Variants in GLMN observed in about 807,000 individuals in gnomAD.
GLMN encodes the protein glomulin.
In GLMN, 75 loss-of-function variants were observed where a neutral mutation model predicts 87.8. That is an observed-to-expected ratio of 0.85 (90% CI 0.71 to 1.04). GLMN has a LOEUF of 1.04. Ranked by LOEUF, GLMN falls within the 50% of genes least tolerant of loss-of-function variation. The pLI, the probability that GLMN is intolerant of heterozygous loss-of-function variation, is 0.00. For missense variants in GLMN, 588 were observed against 658.8 expected, an observed-to-expected ratio of 0.89 and a Z score of 1.18; for synonymous variants, 206 against 221.6, an observed-to-expected ratio of 0.93 and a Z score of 0.63.
At chr1:92,305,659 T>G in the GLMN span, among the ~76,000 whole-genome samples, 2 of 151,926 alleles carry the variant, frequency 1.3e-5, no homozygotes, top group Non-Finnish European at 2.9e-5. Context: ...ATATGATCTA[T>G]AAGAAAAAGA....
chr1:92,298,128 G>A, intron 1 of GLMN, 99 bp from the exon 2 acceptor site: 1 of 645,808 alleles, frequency 1.5e-6, no homozygotes, highest in Admixed American at 2.7e-5. Context: ...ATACAATAAA[G>A]AAAATGGAAA....
intron 7 of GLMN, among the ~76,000 whole-genome samples, chr1:92,272,915 C>G (rs1344952193): frequency 6.6e-6 from 1 of 152,186 alleles, no homozygotes; most frequent in Non-Finnish European, 1.5e-5. Context: ...TTGTGTGACA[C>G]TGGATGAGCC....
At chr1:92,368,391 AAAT>A in the GLMN span, among the ~76,000 whole-genome samples, 2 of 152,112 alleles carry the variant, frequency 1.3e-5, no homozygotes, top group East Asian at 3.9e-4. Flanking sequence ...AAAAAGAAAA[AAAT>A]CCAAGTTCGT....
At chr1:92,335,752 A>G in the GLMN span, among the ~76,000 whole-genome samples, 5,626 of 152,254 alleles carry the variant, frequency 0.037, 266 homozygotes, top group African/African-American at 0.11. Context: ...TTAAATGGGT[A>G]TAGCATAATT....
the GLMN span, chr1:92,324,159 C>G: frequency 6.2e-7 from 1 of 1,614,134 alleles, no homozygotes; most frequent in Non-Finnish European, 8.5e-7. Context: ...ATGACATAAT[C>G]TCAGATCCAG....
At chr1:92,260,837 GACAA>G (rs1231887776) in intron 16 of GLMN, among the ~76,000 whole-genome samples, 2 of 148,882 alleles carry the variant, frequency 1.3e-5, no homozygotes, top group African/African-American at 2.5e-5. Flanking sequence ...AAATGTACAT[GACAA>G]ACAAAAGTGA....
intron 7 of GLMN, among the ~76,000 whole-genome samples, chr1:92,283,282 G>A (rs1648308845): frequency 2.6e-5 from 4 of 152,196 alleles, no homozygotes; most frequent in East Asian, 1.9e-4. Context: ...CAATCAAGTC[G>A]GCTTCTTCCC....
Position 92,298,924 on chromosome 1 carries a change from C to T in GLMN, c.-31+1G>A, listed in dbSNP as rs1650527429. 4.4e-6 allele frequency: 2 copies of T among 458,856 alleles called. No homozygotes were observed. Among genetic ancestry groups the T allele is most frequent in the African/African-American group, 2.0e-5 (1 of 49,090 alleles). The allele number at this position is 458,856 out of a possible 1,614,324, so 28.4% of individuals were successfully genotyped here. On this transcript the variant is annotated splice_donor_variant, in intron 1 of 18. Coordinates refer to ENST00000370360, the MANE Select transcript of GLMN (RefSeq NM_053274.3). LOFTEE classifies it low-confidence loss of function (5UTR_SPLICE). ...CTGAACCTCTCCACAACTCCACTTA[C>T]CGGCCAGAACCCTCGCCTCTCCCAG...
At chr1:92,330,105 G>A in the GLMN span, among the ~76,000 whole-genome samples, 13 of 152,256 alleles carry the variant, frequency 8.5e-5, no homozygotes, top group Admixed American at 3.3e-4. Flanking sequence ...CTTCTGCACC[G>A]TCCAGTTTCT....
intron 7 of GLMN, among the ~76,000 whole-genome samples, chr1:92,271,955 G>T (rs1656291300): frequency 6.6e-6 from 1 of 152,168 alleles, no homozygotes; most frequent in South Asian, 2.1e-4. Context: ...GGCCTTCCCT[G>T]AGAGTCAGAA....
chr1:92,306,904 T>A, the GLMN span, among the ~76,000 whole-genome samples: 55 of 152,304 alleles, frequency 3.6e-4, 1 homozygote, highest in African/African-American at 1.2e-3. Context: ...GAATATTTTT[T>A]AATAGGGATA....
At chr1:92,281,494 G>T (rs773887676) in intron 7 of GLMN, among the ~76,000 whole-genome samples, 2 of 152,082 alleles carry the variant, frequency 1.3e-5, no homozygotes, top group Non-Finnish European at 2.9e-5. Context: ...AGGAACGACC[G>T]GTACCAGCTA....
At chr1:92,351,305 C>CAAAAAAAAA in the GLMN span, among the ~76,000 whole-genome samples, 3 of 86,838 alleles carry the variant, frequency 3.5e-5, no homozygotes, top group Non-Finnish European at 6.7e-5. Context: ...GACTCTGTCT[C>CAAAAAAAAA]AAAAAAAAAA....
At chr1:92,293,840 G>C (rs1369107001) in intron 3 of GLMN, among the ~76,000 whole-genome samples, 1 of 152,130 alleles carries the variant, frequency 6.6e-6, no homozygotes, top group Non-Finnish European at 1.5e-5. Flanking sequence ...ATTATGTTAA[G>C]TGAAAGAAGT....
the GLMN span, chr1:92,323,389 T>C: frequency 7.9e-7 from 1 of 1,273,064 alleles, no homozygotes; most frequent in African/African-American, 1.5e-5. Flanking sequence ...TCTATTGTTT[T>C]CGGGTTTTAT....
In GLMN at chr1:92,264,638, C is replaced by A; in HGVS notation, c.1215G>T (p.Arg405Ser). 1 of 1,517,164 alleles carries A rather than the reference C, an allele frequency of 6.6e-7. No homozygotes were observed. Among genetic ancestry groups the A allele is most frequent in the South Asian group, 1.1e-5 (1 of 89,124 alleles). The allele number at this position is 1,517,164 out of a possible 1,614,324, so 94.0% of individuals were successfully genotyped here. A position where few individuals can be genotyped will look rare whatever the true frequency, so the allele number is the denominator to read the frequency against. ...LDSQGKYTLF[R>S]CLLNTSNHSG... is the part of the protein sequence containing the mutation. ...AGTGATTACTTGTATTCAATAAGCA[C>A]CTTGAAAGCAAAATTACAATAGATG... The change falls in exon 14 of 19, where the codon AGG (arginine) becomes AGT (serine). Residue 405 changes from arginine to serine, a missense_variant and splice_region_variant. Coordinates refer to ENST00000370360, the MANE Select transcript of GLMN (RefSeq NM_053274.3).
intron 16 of GLMN, among the ~76,000 whole-genome samples, chr1:92,250,988 T>C (rs11811113): frequency 2.0e-3 from 299 of 152,286 alleles, no homozygotes; most frequent in African/African-American, 6.8e-3. Context: ...TGTAGTCAGT[T>C]TCCTCCCACC....
chr1:92,342,462 A>G, the GLMN span, among the ~76,000 whole-genome samples: 3 of 152,210 alleles, frequency 2.0e-5, no homozygotes, highest in Non-Finnish European at 2.9e-5. Flanking sequence ...CCTTGTAGCT[A>G]TGATCATTCT....
chr1:92,301,497 T>A, upstream of GLMN: 1 of 1,589,334 alleles, frequency 6.3e-7, no homozygotes, highest in Admixed American at 1.9e-5. Context: ...TAGAAGCAGC[T>A]GTGAGAAAGA....
Sources: allele counts gnomAD v4.1 joint callset (sites outside exome capture counted in the v4.1 genomes callset), GRCh38; gene constraint gnomAD v4.1.1; transcripts MANE v1.5; gene names NCBI Gene and HGNC (gene_info 2026-07-23, HGNC 2026-07-21).